The following CNTN4 variants were observed in gnomAD, a reference collection of about 807,000 sequenced individuals.
CNTN4 encodes contactin-4.
Under a neutral mutation model 122.5 loss-of-function variants are expected in CNTN4, and 77 were observed. The ratio of observed to expected loss-of-function variants is 0.63; its 90% CI spans 0.52 to 0.76. CNTN4 has a LOEUF of 0.76. CNTN4 is among the 30% of genes least tolerant of loss of function. The pLI is 0.00. For missense variants in CNTN4, 1,256 were observed against 1,259.1 expected (o/e 1.00, Z 0.04); for synonymous variants, 512 against 447.0 (o/e 1.15, Z -1.83).
intron 3 of CNTN4, among the ~76,000 whole-genome samples, chr3:2,354,513 A>C (rs1018815442): frequency 5.3e-5 from 8 of 152,140 alleles, no homozygotes; most frequent in African/African-American, 1.9e-4. Flanking sequence ...CCTGGGTGGC[A>C]AGAGCGAGAC....
At chr3:2,651,776 C>T (rs949670495) in intron 4 of CNTN4, among the ~76,000 whole-genome samples, 6 of 150,802 alleles carry the variant, frequency 4.0e-5, no homozygotes, top group Admixed American at 2.6e-4. Context: ...TATCTTGGCT[C>T]ACTGCAACCT....
intron 4 of CNTN4, among the ~76,000 whole-genome samples, chr3:2,713,382 AT>A (rs1404743279): frequency 6.6e-6 from 1 of 152,180 alleles, no homozygotes; most frequent in Non-Finnish European, 1.5e-5. Flanking sequence ...AAGGAAAACT[AT>A]TTTTATGTTT....
chr3:2,850,210 A>G (rs2093526413), intron 7 of CNTN4, among the ~76,000 whole-genome samples: 1 of 152,028 alleles, frequency 6.6e-6, no homozygotes. Context: ...GGCTGGTCTC[A>G]AACTCCTGAC....
chr3:2,551,394 C>G (rs2078500133), intron 3 of CNTN4, among the ~76,000 whole-genome samples: 1 of 150,668 alleles, frequency 6.6e-6, no homozygotes. Context: ...GTATGTAGGC[C>G]TACACATGCA....
chr3:2,990,621 CAA>C (rs1214531230), intron 14 of CNTN4, among the ~76,000 whole-genome samples: 1 of 152,202 alleles, frequency 6.6e-6, no homozygotes, highest in African/African-American at 2.4e-5. Flanking sequence ...AGCCCCAGGA[CAA>C]AACCGTTCCC....
chr3:2,995,577 A>C (rs1478718438), intron 14 of CNTN4, among the ~76,000 whole-genome samples: 1 of 152,196 alleles, frequency 6.6e-6, no homozygotes, highest in Non-Finnish European at 1.5e-5. Context: ...TCTATGCTGA[A>C]GACAGGCCTC....
rs146625245 is a variant in CNTN4, at chr3:2,822,860, G to T, written c.454+3279G>T. Among the ~76,000 whole-genome samples, 519 of 152,278 alleles carry T rather than the reference G, an allele frequency of 3.4e-3. 3 individuals are homozygous for T. Among genetic ancestry groups the T allele is most frequent in the African/African-American group, 0.012 (489 of 41,546 alleles). On this transcript the variant is annotated intron_variant, in intron 7 of 24. Transcript: ENST00000418658. Reference sequence around the variant, plus strand: ...GAAATCCAGTTCCTTGAGCTGTGCTGACATTCCTGACAATCTTGATGGTGA... The same window carrying T: ...GAAATCCAGTTCCTTGAGCTGTGCTTACATTCCTGACAATCTTGATGGTGA...
chr3:2,887,480 C>G (rs1336005172), intron 10 of CNTN4, among the ~76,000 whole-genome samples: 1 of 152,056 alleles, frequency 6.6e-6, no homozygotes, highest in South Asian at 2.1e-4. Flanking sequence ...TGTGAACACA[C>G]TTGCAAAGAA....
chr3:2,825,113 C>T (rs2092959405), intron 7 of CNTN4, among the ~76,000 whole-genome samples: 1 of 152,128 alleles, frequency 6.6e-6, no homozygotes, highest in South Asian at 2.1e-4. Context: ...AGGTGCAGTG[C>T]CTCTTGCCTA....
At chr3:2,243,498 A>G (rs2040020343) in intron 2 of CNTN4, among the ~76,000 whole-genome samples, 2 of 151,008 alleles carry the variant, frequency 1.3e-5, no homozygotes, top group African/African-American at 4.9e-5. Flanking sequence ...TTCTTAAAAC[A>G]TTATGAGATT....
At chr3:2,349,574 G>A (rs913965115) in intron 3 of CNTN4, among the ~76,000 whole-genome samples, 2 of 150,850 alleles carry the variant, frequency 1.3e-5, no homozygotes, top group Non-Finnish European at 3.0e-5. Flanking sequence ...CCAATGAATT[G>A]CTGTCAGTTC....
intron 2 of CNTN4, among the ~76,000 whole-genome samples, chr3:2,328,354 C>T (rs559455661): frequency 2.7e-5 from 4 of 150,650 alleles, no homozygotes; most frequent in African/African-American, 9.7e-5. Flanking sequence ...TGCGGTGAGC[C>T]AAGATGGCGC....
chr3:2,902,305 C>T (rs764912612), intron 11 of CNTN4, among the ~76,000 whole-genome samples: 3 of 151,922 alleles, frequency 2.0e-5, no homozygotes, highest in Non-Finnish European at 2.9e-5. Context: ...TCAGATTGGC[C>T]GCCACCAGAT....
intron 6 of CNTN4, among the ~76,000 whole-genome samples, chr3:2,747,225 C>T (rs987098837): frequency 6.6e-5 from 10 of 151,772 alleles, no homozygotes; most frequent in Non-Finnish European, 1.3e-4. Flanking sequence ...CTGGCTAACA[C>T]GATGAAACCG....
chr3:2,644,124 G>GC (rs2083014158), intron 4 of CNTN4, among the ~76,000 whole-genome samples: 1 of 152,100 alleles, frequency 6.6e-6, no homozygotes, highest in Admixed American at 6.5e-5. Context: ...CCCATGTCCT[G>GC]CCCCCCAGTG....
At chr3:2,766,112 T>C (rs1187136989) in intron 6 of CNTN4, among the ~76,000 whole-genome samples, 2 of 152,148 alleles carry the variant, frequency 1.3e-5, no homozygotes, top group Non-Finnish European at 2.9e-5. Flanking sequence ...AGGGCTTCCT[T>C]TGGGGGTTTG....
rs2034676995 is a variant in CNTN4, at chr3:2,136,062, G to C, written c.-145+35423G>C. On this transcript the variant is annotated intron_variant, in intron 2 of 24. Coordinates refer to ENST00000418658, the MANE Select transcript of CNTN4 (RefSeq NM_175607.3). ...TGGCCATAAGTCTTATCTGGGTATG[G>C]GCTCATGACCCCAGGTCAATCTAGT... Among the ~76,000 whole-genome samples, 2 of 152,116 alleles carry C rather than the reference G, an allele frequency of 1.3e-5. 1 individual carries two copies. The highest frequency in any genetic ancestry group is 4.1e-4 in the South Asian group (2 of 4,822).
chr3:2,603,864 C>T (rs2081149401), intron 4 of CNTN4, among the ~76,000 whole-genome samples: 1 of 152,076 alleles, frequency 6.6e-6, no homozygotes, highest in Non-Finnish European at 1.5e-5. Context: ...CAGTAGAAAC[C>T]CTTTCTGAAA....
chr3:2,190,289 T>C (rs1314536307), intron 2 of CNTN4, among the ~76,000 whole-genome samples: 2 of 150,788 alleles, frequency 1.3e-5, no homozygotes, highest in East Asian at 3.9e-4. Context: ...GGATCTAGGG[T>C]TCCCACATCT....
Sources: allele counts gnomAD v4.1 joint callset (sites outside exome capture counted in the v4.1 genomes callset), GRCh38; gene constraint gnomAD v4.1.1; transcripts MANE v1.5; gene names NCBI Gene and HGNC (gene_info 2026-07-23, HGNC 2026-07-21).